BCAS3: variants seen among roughly 807,000 people sequenced by gnomAD.
BCAS3 encodes the protein BCAS4/BCAS3 fusion.
In BCAS3, 53 loss-of-function variants were observed where a neutral mutation model predicts 116.1. The ratio of observed to expected loss-of-function variants is 0.46; its 90% confidence interval spans 0.37 to 0.57. The LOEUF is 0.57. BCAS3 is among the 20% of genes least tolerant of loss of function. The pLI, the probability that BCAS3 is intolerant of heterozygous loss-of-function variation, is 0.00. For synonymous variants in BCAS3, 391 were observed against 408.2 expected, an observed-to-expected ratio of 0.96 and a Z score of 0.51; for missense variants, 917 against 1,165.4, an observed-to-expected ratio of 0.79 and a Z score of 3.10.
rs2056442951 is a variant in BCAS3, at chr17:61,333,360, T to C, written c.2426-34967T>C. On this transcript the variant is annotated intron_variant, in intron 22 of 23. Transcript: ENST00000407086. This position sits in a 1 kb window ranked among gnomAD's most constrained non-coding sequence, Gnocchi z 4.8. ...GTAATCTTCAGAGGGCACCAGTTCT[T>C]ACCAGACAATAGCTGTCTATGACCT... Among the ~76,000 whole-genome samples, 1 of 152,138 alleles carries C rather than the reference T, an allele frequency of 6.6e-6. No homozygotes were observed. Among genetic ancestry groups the C allele is most frequent in the African/African-American group, 2.4e-5 (1 of 41,446 alleles).
chr17:60,831,339 GC>G (rs2050905928), intron 7 of BCAS3, among the ~76,000 whole-genome samples: 1 of 151,650 alleles, frequency 6.6e-6, no homozygotes, highest in African/African-American at 2.4e-5. Context: ...ACCACGCCTA[GC>G]TAATTTTTGT....
In BCAS3 at chr17:61,189,870, G is replaced by A. The variant is rs990094628; in HGVS notation, c.2425+105306G>A. Among the ~76,000 whole-genome samples the A allele has an allele frequency of 5.3e-5, 8 of 152,264 alleles. No individual in the cohort carries two copies. Among genetic ancestry groups the A allele is most frequent in the Middle Eastern group, 3.4e-3 (1 of 294 alleles). Reference sequence around the variant, plus strand: ...GTCAGCTGGCCCTGAGTAAAAATGTGGGAGTTATCAACATATAGCTATGGA... The same window carrying A: ...GTCAGCTGGCCCTGAGTAAAAATGTAGGAGTTATCAACATATAGCTATGGA... On this transcript the variant is annotated intron_variant, in intron 22 of 23. Coordinates refer to ENST00000407086, the MANE Select transcript of BCAS3 (RefSeq NM_017679.5). This position sits in a 1 kb window ranked among gnomAD's most constrained non-coding sequence, Gnocchi z 4.5.
chr17:61,135,803 G>C (rs542197458), intron 22 of BCAS3: 1 of 152,362 alleles, frequency 6.6e-6, no homozygotes, highest in South Asian at 2.1e-4. Flanking sequence ...ATCTATGGCT[G>C]CTCTCCCTAT....
chr17:61,178,467 G>A (rs1264052545), intron 22 of BCAS3, among the ~76,000 whole-genome samples: 1 of 152,056 alleles, frequency 6.6e-6, no homozygotes, highest in East Asian at 1.9e-4. Context: ...TATGATGAAT[G>A]AGATTGTTGT....
At chr17:60,952,848 T>C (rs2060920220) in intron 14 of BCAS3, among the ~76,000 whole-genome samples, 1 of 152,072 alleles carries the variant, frequency 6.6e-6, no homozygotes, top group Non-Finnish European at 1.5e-5. Flanking sequence ...CTTCTACTTA[T>C]AAGTGAGAAC....
rs1379588018 is a variant in BCAS3 at position 61,226,941 on chromosome 17, C to T, written c.2426-141386C>T. 6.6e-6 allele frequency among the ~76,000 whole-genome samples: 1 copy of T among 152,098 alleles called. No homozygotes were observed. The highest frequency in any genetic ancestry group is 1.5e-5 in the Non-Finnish European group (1 of 68,028). Reference sequence around the variant, plus strand: ...AATTTGTTGCTTCTAGTCCTGAGGACCAGAAATCCAGATAAATAAAATATG... The same window carrying T: ...AATTTGTTGCTTCTAGTCCTGAGGATCAGAAATCCAGATAAATAAAATATG... On this transcript the variant is annotated intron_variant, in intron 22 of 23. Coordinates refer to ENST00000407086, the MANE Select transcript of BCAS3 (RefSeq NM_017679.5). The surrounding 1 kb of genome is among the most constrained non-coding windows in gnomAD (Gnocchi z 6.0).
intron 4 of BCAS3, among the ~76,000 whole-genome samples, chr17:60,708,732 A>G (rs113476874): frequency 0.07 from 10,640 of 152,048 alleles, 1,243 homozygotes; most frequent in African/African-American, 0.24. Flanking sequence ...GTTTCACCAC[A>G]TTGGCCAGGT....
In BCAS3 at chr17:61,380,445, C is replaced by T. The variant is rs2059551393; in HGVS notation, c.2594-11532C>T. ...CGACTCACTTTGATCTCAGCTCTTC[C>T]TGCTCTCTTAAAGGTCCAGTTTGTG... On this transcript the variant is annotated intron_variant, in intron 23 of 23. Coordinates refer to ENST00000407086, the MANE Select transcript of BCAS3 (RefSeq NM_017679.5). The surrounding 1 kb of genome is among the most constrained non-coding windows in gnomAD (Gnocchi z 4.2). 4 of 1,497,072 alleles carry T rather than the reference C, an allele frequency of 2.7e-6. No individual in the cohort carries two copies. Among genetic ancestry groups the T allele is most frequent in the Non-Finnish European group, 3.6e-6 (4 of 1,096,224 alleles). 92.7% of individuals were successfully genotyped at this position (1,497,072 alleles called of 1,614,324 possible).
At chr17:60,832,543 C>T (rs1350998701) in intron 7 of BCAS3, among the ~76,000 whole-genome samples, 1 of 152,106 alleles carries the variant, frequency 6.6e-6, no homozygotes, top group Non-Finnish European at 1.5e-5. Context: ...TGTTATAAAT[C>T]AATGTGACAT....
rs545117442 is a variant in BCAS3 at position 60,995,772 on chromosome 17, T to G, written c.1486+5537T>G. On this transcript the variant is annotated intron_variant, in intron 15 of 23. Coordinates refer to ENST00000407086, the MANE Select transcript of BCAS3 (RefSeq NM_017679.5). This position sits in a 1 kb window ranked among gnomAD's most constrained non-coding sequence, Gnocchi z 4.7. ...GATCAACAACATTAATTAGTGTTTA[T>G]TGTGTCCAGGCACTGTTCTGAGTTT... Among the ~76,000 whole-genome samples, 15 of 152,196 alleles carry G rather than the reference T, an allele frequency of 9.9e-5. No homozygotes were observed. Among genetic ancestry groups the G allele is most frequent in the Non-Finnish European group, 1.9e-4 (13 of 68,034 alleles).
chr17:61,194,581 C>T (rs2144247570), intron 22 of BCAS3, among the ~76,000 whole-genome samples: 1 of 151,844 alleles, frequency 6.6e-6, no homozygotes, highest in Middle Eastern at 3.4e-3. Context: ...TCTACTAAAA[C>T]ATACACAAAT....
intron 7 of BCAS3, among the ~76,000 whole-genome samples, chr17:60,866,838 TA>T (rs1238029626): frequency 6.6e-6 from 1 of 152,162 alleles, no homozygotes; most frequent in African/African-American, 2.4e-5. Context: ...CTATTATCTT[TA>T]AAAATAACAA....
intron 13 of BCAS3, among the ~76,000 whole-genome samples, chr17:60,936,455 AC>A (rs2059931550): frequency 6.6e-6 from 1 of 152,122 alleles, no homozygotes; most frequent in Non-Finnish European, 1.5e-5. Context: ...CAATGGTTGA[AC>A]TAGTTTACAG....
rs1257037545 is a variant in BCAS3 at position 61,233,679 on chromosome 17, C to T, written c.2426-134648C>T. ...ATCTTCCTGTCTCATGTTTCTTTTA[C>T]TTAAAAATGAAAGCATGGATTAGGC... On this transcript the variant is annotated intron_variant, in intron 22 of 23. Coordinates refer to ENST00000407086, the MANE Select transcript of BCAS3 (RefSeq NM_017679.5). The surrounding 1 kb of genome is among the most constrained non-coding windows in gnomAD (Gnocchi z 4.3). 1.3e-5 allele frequency among the ~76,000 whole-genome samples: 2 copies of T among 152,202 alleles called. No homozygotes were observed. Among genetic ancestry groups the T allele is most frequent in the Admixed American group, 1.3e-4 (2 of 15,278 alleles).
intron 5 of BCAS3, among the ~76,000 whole-genome samples, chr17:60,741,164 G>T (rs546482739): frequency 4.6e-5 from 7 of 152,226 alleles, no homozygotes; most frequent in African/African-American, 1.4e-4. Context: ...CTGCCTGTTT[G>T]TCTCTCCAAT....
At chr17:60,913,198 G>A (rs2145111260) in intron 12 of BCAS3, among the ~76,000 whole-genome samples, 1 of 152,078 alleles carries the variant, frequency 6.6e-6, no homozygotes, top group East Asian at 1.9e-4. Context: ...TTATTAAGAA[G>A]AATCATAGAA....
Position 61,392,119 on chromosome 17 carries a change from C to A in BCAS3, c.2736C>A (p.Phe912Leu), listed in dbSNP as rs757386534. The change falls in exon 24 of 24, where the codon TTC becomes TTA. Residue 912 changes from phenylalanine to leucine, a missense_variant. Physicochemically the swap from Phe to Leu is conservative, Grantham distance 22 (BLOSUM62 0). Coordinates refer to ENST00000407086, the MANE Select transcript of BCAS3 (RefSeq NM_017679.5). The surrounding 1 kb of genome is among the most constrained non-coding windows in gnomAD (Gnocchi z 6.4). ...SQPLSLFPTG[F>L]P ...CCCTCAGCCTCTTCCCGACTGGCTT[C>A]CCGTAGGTACCAGCAACCTGCTTCT... 6.2e-7 allele frequency: 1 copy of A among 1,613,114 alleles called. No individual in the cohort carries two copies. The highest frequency in any genetic ancestry group is 1.1e-5 in the South Asian group (1 of 91,012).
chr17:61,039,247 T>G (rs528159512), intron 18 of BCAS3, among the ~76,000 whole-genome samples: 2 of 152,360 alleles, frequency 1.3e-5, no homozygotes, highest in South Asian at 4.1e-4. Context: ...ATTTTCAAGA[T>G]CTATCCATGT....
At chr17:60,713,298 C>G (rs77116814) in intron 5 of BCAS3, among the ~76,000 whole-genome samples, 1 of 152,208 alleles carries the variant, frequency 6.6e-6, no homozygotes, top group Non-Finnish European at 1.5e-5. Context: ...CCTTCAAATA[C>G]TCATAGTTAT....
Sources: gnomAD v4.1 joint callset for allele counts (sites outside exome capture counted in the v4.1 genomes callset) on GRCh38, gnomAD v4.1.1 for gene constraint, Gnocchi (gnomAD v3.1) non-coding constraint, MANE v1.5 for transcripts, NCBI Gene and HGNC (gene_info 2026-07-23, HGNC 2026-07-21) for gene names.